The following TBC1D17 variants were observed in gnomAD, a reference collection of about 807,000 sequenced individuals.
TBC1D17 encodes the protein TBC1 domain family, member 17.
Under a neutral mutation model 78.8 loss-of-function variants are expected in TBC1D17, and 69 were observed. The ratio of observed to expected loss-of-function variants is 0.88; its 90% CI spans 0.72 to 1.07. The LOEUF is 1.07. Ranked by LOEUF, TBC1D17 falls within the 50% of genes least tolerant of loss-of-function variation. The pLI, the probability that TBC1D17 is intolerant of heterozygous loss-of-function variation, is 0.00. For missense variants in TBC1D17, 957 were observed against 861.0 expected (o/e 1.11, Z -1.39); for synonymous variants, 456 against 358.3 (o/e 1.27, Z -3.08).
At chr19:49,887,083 C>T (rs994658798) in intron 13 of TBC1D17, 11 of 251,352 alleles carry the variant, frequency 4.4e-5, no homozygotes, top group African/African-American at 1.8e-4. Context: ...GTGATCCACC[C>T]GCCTCACCCT....
intron 13 of TBC1D17, 152 bp downstream of exon 13, chr19:49,884,910 T>C: frequency 1.4e-6 from 1 of 712,704 alleles, no homozygotes; most frequent in Non-Finnish European, 2.3e-6. Flanking sequence ...GCAGAATTGC[T>C]GTTTGAAGCA....
At position 49,884,573 on chromosome 19, in the gene TBC1D17, CAG is replaced by C; in HGVS notation, c.1344+15_1344+16del. ...ATGGAGCTCGTGGTGAGGCTTGGGT[CAG>C]GGGTGGGACACAGGCCTATCGAGCG... On this transcript the variant is annotated intron_variant, in intron 12 of 16. Transcript: ENST00000221543. 1 of 1,614,046 alleles carries C rather than the reference CAG, an allele frequency of 6.2e-7. No homozygotes were observed. The highest frequency in any genetic ancestry group is 1.3e-5 in the African/African-American group (1 of 75,028).
chr19:49,883,847 C>G (rs1002960278), intron 10 of TBC1D17, 102 bp downstream of exon 10: 16 of 1,010,312 alleles, frequency 1.6e-5, no homozygotes, highest in Non-Finnish European at 2.3e-5. Flanking sequence ...CCCTGCCTCC[C>G]CAAGACCAGT....
At position 49,883,026 on chromosome 19, in the gene TBC1D17, C is replaced by A. The variant is rs1482389014; in HGVS notation, c.981C>A (p.Leu327=). 1.9e-6 allele frequency: 3 copies of A among 1,611,510 alleles called. No individual in the cohort carries two copies. The highest frequency in any genetic ancestry group is 3.3e-5 in the Admixed American group (2 of 59,954). The change falls in exon 9 of 17, where the codon CTC becomes CTA. Residue 327 remains leucine, a synonymous_variant. Coordinates refer to ENST00000221543, the MANE Select transcript of TBC1D17 (RefSeq NM_024682.3). ...REAWKFLLGY[L]SWEGTAEEHK... Reference sequence around the variant, plus strand: ...CCTGGAAGTTCCTCCTAGGGTACCTCAGCTGGGAAGGCACAGCTGAGGAGC... The same window carrying A: ...CCTGGAAGTTCCTCCTAGGGTACCTAAGCTGGGAAGGCACAGCTGAGGAGC...
At chr19:49,877,958 C>T (rs1394148164) in intron 1 of TBC1D17, 185 bp from the exon 2 acceptor site, 1 of 718,760 alleles carries the variant, frequency 1.4e-6, no homozygotes, top group Non-Finnish European at 2.3e-6. Flanking sequence ...TTGAGCCCTG[C>T]CCCCTGTGGA....
In TBC1D17 at chr19:49,880,378, C is replaced by T; in HGVS notation, c.295C>T (p.Leu99Phe). The T allele has an allele frequency of 6.2e-7, 1 of 1,613,948 alleles. No individual in the cohort carries two copies. Among genetic ancestry groups the T allele is most frequent in the Non-Finnish European group, 8.5e-7 (1 of 1,179,960 alleles). The change falls in exon 4 of 17, where the codon CTC becomes TTC. Residue 99 changes from leucine to phenylalanine, a missense_variant. Physicochemically the swap from Leu to Phe is conservative, Grantham distance 22 (BLOSUM62 0). Coordinates refer to ENST00000221543, the MANE Select transcript of TBC1D17 (RefSeq NM_024682.3). ...WAVISTVRPQ[L>F]CHSEPTRGAE... ...TGTCATCAGCACTGTGCGGCCACAG[C>T]TCTGCCACTCAGAGCCCACGAGAGG...
chr19:49,883,564 C>A, intron 9 of TBC1D17, 87 bp from the exon 10 acceptor site: 1 of 1,192,440 alleles, frequency 8.4e-7, no homozygotes, highest in Admixed American at 1.9e-5. Context: ...CTCTGCAGGG[C>A]TGACCTGGGA....
chr19:49,882,829 C>T lies in TBC1D17; in HGVS notation c.864C>T (p.Arg288=). The change falls in exon 8 of 17, where the codon CGC becomes CGT. Residue 288 remains arginine (R), a synonymous_variant. Transcript: ENST00000221543. ...CAGTTACAGAGGAGGAGTGGGCACG[C>T]CACGTGGGCCCTGAAGGTCGCCTGC... is the stretch of plus-strand genomic sequence containing the variant. ...GPPVTEEEWA[R]HVGPEGRLQQ... The T allele has an allele frequency of 1.2e-6, 2 of 1,610,978 alleles. No individual in the cohort carries two copies. The highest frequency in any genetic ancestry group is 8.5e-7 in the Non-Finnish European group (1 of 1,179,038).
chr19:49,884,595 C>G (rs777130292), intron 12 of TBC1D17, 36 bp downstream of exon 12: 3 of 1,613,330 alleles, frequency 1.9e-6, no homozygotes, highest in Admixed American at 1.7e-5. Flanking sequence ...ACAGGCCTAT[C>G]GAGCGATCAG....
chr19:49,881,715 A>G (rs2075015181), intron 5 of TBC1D17, among the ~76,000 whole-genome samples: 1 of 152,214 alleles, frequency 6.6e-6, no homozygotes, highest in African/African-American at 2.4e-5. Flanking sequence ...CTGGGGCCCC[A>G]GTATCCGTGG....
intron 13 of TBC1D17, chr19:49,886,541 G>T (rs1217434833): frequency 2.0e-5 from 3 of 152,234 alleles, no homozygotes; most frequent in Non-Finnish European, 4.4e-5. Flanking sequence ...CCACCTGCAA[G>T]ATGTGGTAGA....
rs557104743 is a variant in TBC1D17 at position 49,881,186 on chromosome 19, C to T, written c.320-82C>T. ...CGGGGCCCTCAGGAGATGCCTGTGC[C>T]GAAGGAACATCCTGGGTTGTGGTTG... On this transcript the variant is annotated intron_variant, in intron 4 of 16. Transcript: ENST00000221543. 2.6e-5 allele frequency: 34 copies of T among 1,301,996 alleles called. No individual in the cohort carries two copies. In the Admixed American group the frequency reaches 2.8e-4, roughly 11 times the overall value. 80.7% of individuals were successfully genotyped at this position (1,301,996 alleles called of 1,614,324 possible). A position where few individuals can be genotyped will look rare whatever the true frequency, so the allele number is the denominator to read the frequency against.
At position 49,887,840 on chromosome 19, in the gene TBC1D17, G is replaced by A; in HGVS notation, c.1659+6G>A. The A allele has an allele frequency of 6.2e-7, 1 of 1,603,182 alleles. No homozygotes were observed. Among genetic ancestry groups the A allele is most frequent in the East Asian group, 2.2e-5 (1 of 44,652 alleles). ...GCTCCAATGAGATCCTCAAGGTGAG[G>A]CTCCGGCCCCGCCCCCGCCCTGTCC... On this transcript the variant is annotated splice_donor_region_variant and intron_variant, in intron 15 of 16. Coordinates refer to ENST00000221543, the MANE Select transcript of TBC1D17 (RefSeq NM_024682.3).
chr19:49,877,875 C>A, intron 1 of TBC1D17, 131 bp downstream of exon 1: 2 of 1,142,904 alleles, frequency 1.7e-6, no homozygotes, highest in African/African-American at 1.6e-5. Flanking sequence ...CTTATAAACG[C>A]GCCGTCACCC....
chr19:49,883,829 A>C (rs2075036607), intron 10 of TBC1D17, 84 bp downstream of exon 10: 3 of 1,226,160 alleles, frequency 2.4e-6, no homozygotes, highest in Admixed American at 1.8e-5. Context: ...TGGGAGATAG[A>C]GGGAGCCCCC....
chr19:49,878,249 G>A lies in TBC1D17; in HGVS notation c.120+8G>A. The A allele has an allele frequency of 6.4e-7, 1 of 1,555,468 alleles. No homozygotes were observed. The highest frequency in any genetic ancestry group is 1.2e-5 in the South Asian group (1 of 84,670). On this transcript the variant is annotated splice_region_variant and intron_variant, in intron 2 of 16. Coordinates refer to ENST00000221543, the MANE Select transcript of TBC1D17 (RefSeq NM_024682.3). ...ATCCGTGTCGTGGAAAAGGTGCGCTGGGAGGGAGCAGGGCTCGGACCCGCT... is the reference window on the plus strand; with the variant it reads ...ATCCGTGTCGTGGAAAAGGTGCGCTAGGAGGGAGCAGGGCTCGGACCCGCT...
In TBC1D17 at chr19:49,880,538, G is replaced by T. The variant is rs2075004220; in HGVS notation, c.319+136G>T. ...CAGTCACCACCTTCCAGTCCCAGGA[G>T]CATGGAAGTGAATGGGAAGACAGGA... is the stretch of plus-strand genomic sequence containing the variant. On this transcript the variant is annotated intron_variant, in intron 4 of 16. Coordinates refer to ENST00000221543, the MANE Select transcript of TBC1D17 (RefSeq NM_024682.3). 7.5e-6 allele frequency: 9 copies of T among 1,206,634 alleles called. No homozygotes were observed. The East Asian group carries it at 2.4e-4, about 32-fold the overall frequency. The allele number at this position is 1,206,634 out of a possible 1,614,324, so 74.7% of individuals were successfully genotyped here.
rs776166774 is a variant in TBC1D17 at position 49,887,731 on chromosome 19, G to C, written c.1556G>C (p.Gly519Ala). 5.6e-5 allele frequency: 90 copies of C among 1,613,718 alleles called. No individual in the cohort carries two copies. The highest frequency in any genetic ancestry group is 6.7e-5 in the Non-Finnish European group (79 of 1,179,956). ...CCGCACCCTCAGGTGCTGTGGACAG[G>C]GCTCCCTGGCCCCAATCTGCACCTG... ...VLRLWEVLWT[G>A]LPGPNLHLLV... The change falls in exon 15 of 17, where the codon GGG becomes GCG. Residue 519 changes from glycine to alanine, a missense_variant. Physicochemically the swap from Gly to Ala is moderately conservative, Grantham distance 60 (BLOSUM62 0). Coordinates refer to ENST00000221543, the MANE Select transcript of TBC1D17 (RefSeq NM_024682.3).
intron 2 of TBC1D17, 42 bp downstream of exon 2, chr19:49,878,283 G>A: frequency 6.5e-7 from 1 of 1,532,102 alleles, no homozygotes; most frequent in Non-Finnish European, 8.8e-7. Flanking sequence ...CTCCGAGCGG[G>A]ATGCAGGCGG....
Sources: allele counts gnomAD v4.1 joint callset (sites outside exome capture counted in the v4.1 genomes callset), GRCh38; gene constraint gnomAD v4.1.1; transcripts MANE v1.5; gene names NCBI Gene and HGNC (gene_info 2026-07-23, HGNC 2026-07-21).